The following NUDT22 variants were observed in gnomAD, a reference collection of about 807,000 sequenced individuals.
NUDT22 encodes the protein nudix hydrolase 22.
Under a neutral mutation model 28.8 loss-of-function variants are expected in NUDT22, and 23 were observed. That is an observed-to-expected ratio of 0.80 (90% CI 0.58 to 1.13). NUDT22 has a LOEUF of 1.13. NUDT22 is among the 50% of genes most tolerant of loss of function. The pLI is 0.00. For missense variants in NUDT22, 358 were observed against 387.3 expected, an observed-to-expected ratio of 0.92 and a Z score of 0.64; for synonymous variants, 175 against 173.7, an observed-to-expected ratio of 1.01 and a Z score of -0.06.
chr11:64,229,297 C>G lies in NUDT22; in HGVS notation c.630C>G (p.Ala210=). Residue 210 remains alanine (A), a synonymous_variant, in exon 4 of 6, where the codon GCC becomes GCG. Coordinates refer to ENST00000279206, the MANE Select transcript of NUDT22 (RefSeq NM_032344.4). ...GCCAGCCCCTGCTGTTGGGCATCGC[C>G]CGAAATGAGACCAGTGCTGGCCGAG... is the stretch of plus-strand genomic sequence containing the variant. ...TLSQPLLLGI[A]RNETSAGRAS... 1 of 1,603,340 alleles carries G rather than the reference C, an allele frequency of 6.2e-7. No homozygotes were observed. The highest frequency in any genetic ancestry group is 8.5e-7 in the Non-Finnish European group (1 of 1,174,848).
intron 3 of NUDT22, chr11:64,227,971 G>A (rs1947091485): frequency 1.0e-5 from 3 of 296,362 alleles, no homozygotes; most frequent in East Asian, 8.7e-5. Flanking sequence ...CCGGGTTCAC[G>A]CCATTCTCCT....
At position 64,226,310 on chromosome 11, in the gene NUDT22, T is replaced by TGG; in HGVS notation, c.-135_-134dup. 10 of 1,063,812 alleles carry TGG rather than the reference T, an allele frequency of 9.4e-6. No individual in the cohort carries two copies. The highest frequency in any genetic ancestry group is 1.2e-5 in the Non-Finnish European group (10 of 841,854). 65.9% of individuals were successfully genotyped at this position (1,063,812 alleles called of 1,614,324 possible). On this transcript the variant is annotated 5_prime_UTR_variant, in exon 1 of 6. Coordinates refer to ENST00000279206, the MANE Select transcript of NUDT22 (RefSeq NM_032344.4). ...GACCCGGCGGCTGGTGAGCGCCCGC[T>TGG]GGAGGCTGGAGCTTCCGGGCCCTGG...
In NUDT22 at chr11:64,226,436, G is replaced by GCCCGGGCGTCCTGGATA. The variant is rs1331097728; in HGVS notation, c.-19+13_-19+29dup. 72 of 1,384,926 alleles carry GCCCGGGCGTCCTGGATA rather than the reference G, an allele frequency of 5.2e-5. No individual in the cohort carries two copies. Among genetic ancestry groups the GCCCGGGCGTCCTGGATA allele is most frequent in the Non-Finnish European group, 6.5e-5 (70 of 1,076,592 alleles). The allele number at this position is 1,384,926 out of a possible 1,614,324, so 85.8% of individuals were successfully genotyped here. A position where few individuals can be genotyped will look rare whatever the true frequency, so the allele number is the denominator to read the frequency against. ...CCCAAGACCTCTGGATGGTAGGGAT[G>GCCCGGGCGTCCTGGATA]CCCGGGCGTCCTGGATACCCTGCGG... On this transcript the variant is annotated intron_variant, in intron 1 of 5. Coordinates refer to ENST00000279206, the MANE Select transcript of NUDT22 (RefSeq NM_032344.4).
downstream of NUDT22, chr11:64,230,056 A>T: frequency 7.2e-7 from 1 of 1,395,648 alleles, no homozygotes; most frequent in Non-Finnish European, 1.0e-6. Flanking sequence ...GAGAGGAGCA[A>T]TGGGCCCTGA....
At chr11:64,227,256 T>G in intron 2 of NUDT22, 124 bp downstream of exon 2, 1 of 1,276,832 alleles carries the variant, frequency 7.8e-7, no homozygotes, top group Non-Finnish European at 1.1e-6. Context: ...GGTATTTCTC[T>G]GGAAGTTTGC....
At chr11:64,226,457 T>G (rs1409997333) in intron 1 of NUDT22, 30 bp downstream of exon 1, 11 of 1,405,122 alleles carry the variant, frequency 7.8e-6, no homozygotes, top group Non-Finnish European at 1.0e-5. Context: ...CTGGATACCC[T>G]GCGGGACTCG....
In NUDT22 at chr11:64,226,971, G is replaced by T. The variant is rs762609249; in HGVS notation, c.319G>T (p.Ala107Ser). 4.0e-5 allele frequency: 64 copies of T among 1,602,598 alleles called. No individual in the cohort carries two copies. The highest frequency in any genetic ancestry group is 5.1e-5 in the Non-Finnish European group (60 of 1,179,926). Residue 107 changes from alanine to serine, a missense_variant, in exon 2 of 6, where the codon GCC becomes TCC. By Grantham distance (99) the Ala-to-Ser change is moderately conservative. Transcript: ENST00000279206. The stretch of plus-strand genomic sequence containing the variant: ...AGCTGCCTGGCTGCGACAGCAGGGT[G>T]CCACCGACTGGGGTGACACGCAGGC... ...SSAAWLRQQG[A>S]TDWGDTQAYL...
At position 64,226,372 on chromosome 11, in the gene NUDT22, C is replaced by T. The variant is rs1416859532; in HGVS notation, c.-74C>T. The T allele has an allele frequency of 2.3e-6, 3 of 1,277,978 alleles. No individual in the cohort carries two copies. The highest frequency in any genetic ancestry group is 6.3e-5 in the East Asian group (2 of 31,532). The allele number at this position is 1,277,978 out of a possible 1,614,324, so 79.2% of individuals were successfully genotyped here. A position where few individuals can be genotyped will look rare whatever the true frequency, so the allele number is the denominator to read the frequency against. ...CGCGCGCCCCGGGTCGGAGGCAGAC[C>T]CCTGGGTTTGGGGGACATGGGCATT... On this transcript the variant is annotated 5_prime_UTR_variant, in exon 1 of 6. Coordinates refer to ENST00000279206, the MANE Select transcript of NUDT22 (RefSeq NM_032344.4).
In NUDT22 at chr11:64,229,295, G is replaced by A. The variant is rs141444103; in HGVS notation, c.628G>A (p.Ala210Thr). Residue 210 changes from alanine (A) to threonine (T), a missense_variant, in exon 4 of 6, where the codon GCC becomes ACC. Physicochemically the swap from Ala to Thr is moderately conservative, Grantham distance 58. Coordinates refer to ENST00000279206, the MANE Select transcript of NUDT22 (RefSeq NM_032344.4). ...GAGCCAGCCCCTGCTGTTGGGCATC[G>A]CCCGAAATGAGACCAGTGCTGGCCG... ...TLSQPLLLGI[A>T]RNETSAGRAS... 6.6e-5 allele frequency: 106 copies of A among 1,601,324 alleles called. No individual in the cohort carries two copies. The highest frequency in any genetic ancestry group is 1.9e-4 in the South Asian group (17 of 89,684).
chr11:64,229,583 CA>C lies in NUDT22; in HGVS notation c.771+15del. 2 of 1,612,164 alleles carry C rather than the reference CA, an allele frequency of 1.2e-6. No individual in the cohort carries two copies. The highest frequency in any genetic ancestry group is 1.7e-6 in the Non-Finnish European group (2 of 1,178,250). ...TTGTGGAGACACAGGTGCAGAGTGA[CA>C]AACCATCTTGCTTGGAGGCCAGGGC... is the stretch of plus-strand genomic sequence containing the variant. On this transcript the variant is annotated intron_variant, in intron 5 of 5. Transcript: ENST00000279206.
chr11:64,226,771 C>T lies in NUDT22; in HGVS notation c.119C>T (p.Ala40Val). The change falls in exon 2 of 6, where the codon GCC becomes GTC. Residue 40 changes from alanine to valine, a missense_variant. By Grantham distance (64) the Ala-to-Val change is moderately conservative. Coordinates refer to ENST00000279206, the MANE Select transcript of NUDT22 (RefSeq NM_032344.4). ...DRRPLPGGDE[A>V]ITAIWETRLK... ...CGCCCACTGCCAGGTGGGGACGAGG[C>T]CATCACTGCCATCTGGGAGACCCGG... 2 of 1,610,364 alleles carry T rather than the reference C, an allele frequency of 1.2e-6. No individual in the cohort carries two copies. The highest frequency in any genetic ancestry group is 1.7e-6 in the Non-Finnish European group (2 of 1,179,934).
rs76624586 is a variant in NUDT22, at chr11:64,229,618, G to A, written c.771+47G>A. On this transcript the variant is annotated intron_variant, in intron 5 of 5. Transcript: ENST00000279206. The stretch of plus-strand genomic sequence containing the variant: ...TGCTTGGAGGCCAGGGCTGGGGCCT[G>A]CAGAGGCCTGGCAATGCATATCTTG... 1,555 of 1,530,304 alleles carry A rather than the reference G, an allele frequency of 1.0e-3. 15 individuals carry two copies. In the African/African-American group the frequency reaches 0.019, roughly 19 times the overall value. The allele number at this position is 1,530,304 out of a possible 1,614,324, so 94.8% of individuals were successfully genotyped here.
chr11:64,226,390 T>A lies in NUDT22; in HGVS notation c.-56T>A. 4 of 1,304,044 alleles carry A rather than the reference T, an allele frequency of 3.1e-6. No homozygotes were observed. 80.8% of individuals were successfully genotyped at this position (1,304,044 alleles called of 1,614,324 possible). A position where few individuals can be genotyped will look rare whatever the true frequency, so the allele number is the denominator to read the frequency against. On this transcript the variant is annotated 5_prime_UTR_variant, in exon 1 of 6. It removes an upstream start codon present in the reference 5' UTR. Transcript: ENST00000279206. ...GGCAGACCCCTGGGTTTGGGGGACA[T>A]GGGCATTTGGGGCGCCTGAACCCAA...
At chr11:64,228,318 C>CT (rs1429991770) in intron 3 of NUDT22, among the ~76,000 whole-genome samples, 3 of 151,332 alleles carry the variant, frequency 2.0e-5, no homozygotes, top group Non-Finnish European at 4.4e-5. Flanking sequence ...AAGGATTCTT[C>CT]TTTTCAATGG....
intron 1 of NUDT22, 52 bp downstream of exon 1, chr11:64,226,479 G>A: frequency 2.1e-6 from 3 of 1,425,796 alleles, no homozygotes; most frequent in Non-Finnish European, 2.7e-6. Flanking sequence ...GGCTCCTGCG[G>A]GGAAGATGGC....
Position 64,227,600 on chromosome 11 carries a change from G to A in NUDT22, c.513G>A (p.Gln171=). 6.2e-7 allele frequency: 1 copy of A among 1,614,006 alleles called. No homozygotes were observed. Among genetic ancestry groups the A allele is most frequent in the South Asian group, 1.1e-5 (1 of 91,088 alleles). Residue 171 remains glutamine (Q), a synonymous_variant, in exon 3 of 6, where the codon CAG becomes CAA. Transcript: ENST00000279206. ...ALCPGGSPQH[Q]DLAGQLVVHE... ...GCCCTGGTGGCAGCCCCCAGCACCA[G>A]GACCTCGCTGGGCAGCTGGTGGTAC...
chr11:64,229,620 A>AG (rs1250836068), intron 5 of NUDT22, 49 bp downstream of exon 5: 8 of 1,540,648 alleles, frequency 5.2e-6, no homozygotes, highest in Non-Finnish European at 7.2e-6. Flanking sequence ...TGGGGCCTGC[A>AG]GAGGCCTGGC....
At chr11:64,227,864 C>G (rs1237372382) in intron 3 of NUDT22, 198 bp downstream of exon 3, 1 of 576,160 alleles carries the variant, frequency 1.7e-6, no homozygotes, top group Non-Finnish European at 3.1e-6. Flanking sequence ...TTCTTCTTTT[C>G]TTTTTTCTTT....
intron 2 of NUDT22, 146 bp from the exon 3 acceptor site, chr11:64,227,422 A>G (rs1185264742): frequency 6.6e-6 from 5 of 755,408 alleles, no homozygotes; most frequent in African/African-American, 5.1e-5. Context: ...GTTGTCTGTC[A>G]GGGAAAGGAC....
Sources: gnomAD v4.1 joint callset for allele counts (sites outside exome capture counted in the v4.1 genomes callset) on GRCh38, gnomAD v4.1.1 for gene constraint, MANE v1.5 for transcripts, NCBI Gene and HGNC (gene_info 2026-07-23, HGNC 2026-07-21) for gene names.